Variants in ACSM1 observed in about 807,000 individuals in gnomAD.
ACSM1 encodes the protein acyl-coenzyme A synthetase ACSM1, mitochondrial.
Under a neutral mutation model 75.8 loss-of-function variants are expected in ACSM1, and 79 were observed. The ratio of observed to expected loss-of-function variants is 1.04; its 90% CI spans 0.87 to 1.26. ACSM1 has a LOEUF of 1.26. ACSM1 is among the 50% of genes most tolerant of loss of function. The probability of loss-of-function intolerance (pLI) is 0.00; values close to 1 mark genes in which losing one functional copy is unlikely to be tolerated. For synonymous variants in ACSM1, 279 were observed against 265.8 expected, an observed-to-expected ratio of 1.05 and a Z score of -0.48; for missense variants, 676 against 720.1, an observed-to-expected ratio of 0.94 and a Z score of 0.70.
At chr16:20,655,508 T>G (rs186998161) in intron 7 of ACSM1, among the ~76,000 whole-genome samples, 1 of 151,992 alleles carries the variant, frequency 6.6e-6, no homozygotes, top group African/African-American at 2.4e-5. Flanking sequence ...TAAAATAAAT[T>G]TTTAAAGGAG....
At position 20,685,269 on chromosome 16, in the gene ACSM1, T is replaced by C. The variant is rs752746472; in HGVS notation, c.327A>G (p.Gln109=). The C allele has an allele frequency of 1.1e-5, 18 of 1,614,086 alleles. No individual in the cohort carries two copies. In the African/African-American group the frequency reaches 1.6e-4, roughly 14 times the overall value. ...GCATCAAGGCCAGATGGTCTCCCTG[T>C]TGTAGGCCACAGGTCTGTGTGAAGA... ...ANVFTQTCGL[Q]QGDHLALMLP... The change falls in exon 3 of 14, where the codon CAA becomes CAG. Residue 109 remains glutamine (Q), a synonymous_variant. Transcript: ENST00000520010.
intron 7 of ACSM1, among the ~76,000 whole-genome samples, chr16:20,650,588 G>A (rs1596843614): frequency 6.6e-6 from 1 of 151,784 alleles, no homozygotes; most frequent in South Asian, 2.1e-4. Context: ...AGTGATACAC[G>A]GTGGAGTCCT....
At chr16:20,683,115 T>C (rs1393756365) in intron 3 of ACSM1, among the ~76,000 whole-genome samples, 2 of 151,502 alleles carry the variant, frequency 1.3e-5, no homozygotes, top group Non-Finnish European at 2.9e-5. Flanking sequence ...CTTTTTTTCT[T>C]TTATTTATTT....
chr16:20,634,657 T>A (rs997289515), intron 10 of ACSM1, among the ~76,000 whole-genome samples: 4 of 152,150 alleles, frequency 2.6e-5, no homozygotes, highest in Non-Finnish European at 4.4e-5. Context: ...ATTCATAGAT[T>A]TTAAAAAGCA....
Position 20,691,003 on chromosome 16 carries a change from C to T in ACSM1, c.186G>A (p.Lys62=), listed in dbSNP as rs372485374. 1.3e-4 allele frequency: 212 copies of T among 1,609,014 alleles called. No individual in the cohort carries two copies. Among genetic ancestry groups the T allele is most frequent in the Non-Finnish European group, 1.7e-4 (205 of 1,178,206 alleles). ...ATCACGGCAGATCTCTTACCTTCTCCTTTTGAGCCCAGTAGTCCAGTACAT... is the reference window on the plus strand; with the variant it reads ...ATCACGGCAGATCTCTTACCTTCTCTTTTTGAGCCCAGTAGTCCAGTACAT... ...ASYVLDYWAQ[K]EKEGKRGPNP... is the part of the protein sequence containing the mutation. The change falls in exon 2 of 14, where the codon AAG becomes AAA. Residue 62 remains lysine, a synonymous_variant. Coordinates refer to ENST00000520010, the MANE Select transcript of ACSM1 (RefSeq NM_001318890.3).
chr16:20,640,689 TTTC>T, intron 7 of ACSM1, 105 bp from the exon 8 acceptor site: 2 of 1,537,156 alleles, frequency 1.3e-6, no homozygotes, highest in Admixed American at 4.2e-5. Flanking sequence ...AGTTCCTCAC[TTTC>T]TTATTTACTT....
Position 20,670,067 on chromosome 16 carries a change from G to A in ACSM1, c.753-81C>T, listed in dbSNP as rs1044649090. ...GCTGTGCACTCTGGTTTTTAGCTAC[G>A]AACCCACCTTTCTCACTCTCAGTTC... On this transcript the variant is annotated intron_variant, in intron 5 of 13. Coordinates refer to ENST00000520010, the MANE Select transcript of ACSM1 (RefSeq NM_001318890.3). 147 of 1,390,204 alleles carry A rather than the reference G, an allele frequency of 1.1e-4. No individual in the cohort carries two copies. The African/African-American group carries it at 1.7e-3, about 16-fold the overall frequency. 86.1% of individuals were successfully genotyped at this position (1,390,204 alleles called of 1,614,324 possible). A position where few individuals can be genotyped will look rare whatever the true frequency, so the allele number is the denominator to read the frequency against.
chr16:20,653,432 G>C (rs931951899), intron 7 of ACSM1, among the ~76,000 whole-genome samples: 1 of 152,054 alleles, frequency 6.6e-6, no homozygotes, highest in African/African-American at 2.4e-5. Context: ...AGAAATGAAG[G>C]CTATTCAATT....
At chr16:20,636,637 T>C in intron 10 of ACSM1, 102 bp downstream of exon 10, 1 of 791,728 alleles carries the variant, frequency 1.3e-6, no homozygotes, top group Non-Finnish European at 2.1e-6. Flanking sequence ...ATTCATTTCA[T>C]TGAGTTAGAG....
chr16:20,679,089 C>T (rs1005444581), intron 4 of ACSM1: 5 of 152,188 alleles, frequency 3.3e-5, no homozygotes, highest in African/African-American at 1.2e-4. Flanking sequence ...AAATGGAATC[C>T]AACCACTCTA....
intron 11 of ACSM1, among the ~76,000 whole-genome samples, chr16:20,625,927 CATG>C (rs1383804893): frequency 6.6e-6 from 1 of 152,200 alleles, no homozygotes; most frequent in Non-Finnish European, 1.5e-5. Flanking sequence ...AGGCTTACAA[CATG>C]ATGTTTTGAT....
At position 20,689,525 on chromosome 16, in the gene ACSM1, T is replaced by TA. The variant is rs548362843; in HGVS notation, c.192+1471dup. On this transcript the variant is annotated intron_variant, in intron 2 of 13. Transcript: ENST00000520010. ...AAAAGACATAGATTGGCAGAATGGA[T>TA]AAAAAAAAAATCCAACTACATGCTG... Among the ~76,000 whole-genome samples, 210 of 149,626 alleles carry TA rather than the reference T, an allele frequency of 1.4e-3. 4 individuals carry two copies. In the South Asian group the frequency reaches 0.028, roughly 20 times the overall value.
At chr16:20,668,851 G>C (rs761371702) in intron 6 of ACSM1, among the ~76,000 whole-genome samples, 2 of 152,158 alleles carry the variant, frequency 1.3e-5, no homozygotes, top group Non-Finnish European at 2.9e-5. Context: ...TTCAAAGGAA[G>C]GCATTTTAGG....
At chr16:20,638,241 C>G (rs1489820377) in intron 8 of ACSM1, among the ~76,000 whole-genome samples, 5 of 152,152 alleles carry the variant, frequency 3.3e-5, no homozygotes, top group African/African-American at 7.2e-5. Flanking sequence ...CACTTACCTC[C>G]CAGAGTGCTT....
At chr16:20,669,441 A>AACACACACACACACACACACACAC (rs71149170) in intron 6 of ACSM1, among the ~76,000 whole-genome samples, 1 of 141,252 alleles carries the variant, frequency 7.1e-6, no homozygotes, top group African/African-American at 2.6e-5. Flanking sequence ...TGAGTAAGAA[A>AACACACACACACACACACACACAC]ACACACACAC....
chr16:20,643,415 G>T (rs1191802094), intron 7 of ACSM1, among the ~76,000 whole-genome samples: 2 of 152,118 alleles, frequency 1.3e-5, no homozygotes, highest in African/African-American at 4.8e-5. Context: ...TCTTGGTCTC[G>T]CTGACTTCAA....
intron 6 of ACSM1, among the ~76,000 whole-genome samples, chr16:20,664,553 TG>T (rs1354647723): frequency 3.9e-5 from 6 of 152,084 alleles, no homozygotes; most frequent in Non-Finnish European, 7.4e-5. Context: ...ACAAAAATAG[TG>T]GGGGACTTCA....
At chr16:20,684,567 T>C (rs1280347586) in intron 3 of ACSM1, among the ~76,000 whole-genome samples, 1 of 152,170 alleles carries the variant, frequency 6.6e-6, no homozygotes, top group African/African-American at 2.4e-5. Context: ...AAATACAAAT[T>C]TGGAGATATA....
At chr16:20,627,496 T>C (rs1004435025) in intron 10 of ACSM1, among the ~76,000 whole-genome samples, 180 bp from the exon 11 acceptor site, 2 of 152,200 alleles carry the variant, frequency 1.3e-5, no homozygotes, top group African/African-American at 4.8e-5. Context: ...GACTGCTCTA[T>C]GAGTGGTTGT....
Sources: allele counts gnomAD v4.1 joint callset (sites outside exome capture counted in the v4.1 genomes callset), GRCh38; gene constraint gnomAD v4.1.1; transcripts MANE v1.5; gene names NCBI Gene and HGNC (gene_info 2026-07-23, HGNC 2026-07-21).